Variants in UBE2E2 observed in about 807,000 individuals in gnomAD.
UBE2E2 encodes the protein ubiquitin-conjugating enzyme E2 E2.
UBE2E2 carries 6 observed loss-of-function variants against 24.7 expected under a neutral mutation model. The observed-to-expected ratio is 0.24, with a 90% CI of 0.13 to 0.48. The LOEUF (loss-of-function observed/expected upper bound fraction) is 0.48, where lower values mean the gene tolerates loss of function less well. Ranked by LOEUF, UBE2E2 falls within the 20% of genes least tolerant of loss-of-function variation. The pLI, the probability that UBE2E2 is intolerant of heterozygous loss-of-function variation, is 0.99. For missense variants in UBE2E2, 169 were observed against 245.0 expected, an observed-to-expected ratio of 0.69 and a Z score of 2.07; for synonymous variants, 104 against 83.6, an observed-to-expected ratio of 1.24 and a Z score of -1.33.
intron 3 of UBE2E2, chr3:23,449,765 A>G: frequency 1.6e-6 from 1 of 639,784 alleles, no homozygotes. Context: ...TTTTGAATTA[A>G]CTAAATAATC....
intron 3 of UBE2E2, among the ~76,000 whole-genome samples, chr3:23,230,280 T>C (rs1318559522): frequency 6.6e-6 from 1 of 152,220 alleles, no homozygotes; most frequent in Non-Finnish European, 1.5e-5. Flanking sequence ...AAGTTTATGG[T>C]TCAGCAGTGT....
intron 3 of UBE2E2, chr3:23,270,977 C>G (rs1698225713): frequency 2.2e-6 from 1 of 456,596 alleles, no homozygotes; most frequent in Non-Finnish European, 4.4e-6. Flanking sequence ...CTGCTTGCAT[C>G]TCTTCTAACT....
At chr3:23,258,885 T>C in intron 3 of UBE2E2, among the ~76,000 whole-genome samples, 1 of 110,404 alleles carries the variant, frequency 9.1e-6, no homozygotes, top group Non-Finnish European at 1.7e-5. Context: ...AGAGAGAGAC[T>C]CTGTCTCAAA....
At chr3:23,217,750 C>T (rs1236224496) in intron 3 of UBE2E2, among the ~76,000 whole-genome samples, 3 of 151,922 alleles carry the variant, frequency 2.0e-5, no homozygotes, top group Non-Finnish European at 4.4e-5. Flanking sequence ...TACATTATTT[C>T]TTGTCGTCAT....
intron 3 of UBE2E2, among the ~76,000 whole-genome samples, chr3:23,220,279 C>T (rs901103393): frequency 2.6e-5 from 4 of 152,126 alleles, no homozygotes; most frequent in African/African-American, 9.7e-5. Context: ...TTTGCCTCTA[C>T]ATATTTCAGT....
chr3:23,466,052 C>G (rs538804672), intron 3 of UBE2E2, among the ~76,000 whole-genome samples: 1 of 152,102 alleles, frequency 6.6e-6, no homozygotes, highest in East Asian at 1.9e-4. Context: ...AGATATCATC[C>G]AAAATGTGGC....
intron 5 of UBE2E2, among the ~76,000 whole-genome samples, chr3:23,578,341 A>G (rs1368098878): frequency 6.6e-6 from 1 of 152,232 alleles, no homozygotes; most frequent in African/African-American, 2.4e-5. Flanking sequence ...TGGGAGTATA[A>G]ATTAGTTCAA....
At chr3:23,428,578 TC>T (rs2125398169) in intron 3 of UBE2E2, among the ~76,000 whole-genome samples, 1 of 151,786 alleles carries the variant, frequency 6.6e-6, no homozygotes, top group South Asian at 2.1e-4. Flanking sequence ...AAACAGGAAA[TC>T]ACAGAAAATC....
rs192328787 is a variant in UBE2E2 at position 23,550,349 on chromosome 3, G to A, written c.508+17648G>A. Reference sequence around the variant, plus strand: ...ACCCCATGTGGCCAAAGGGCTCCCCGTGAAATTGCCTTATTTCAAGCCCAA... The same window carrying A: ...ACCCCATGTGGCCAAAGGGCTCCCCATGAAATTGCCTTATTTCAAGCCCAA... On this transcript the variant is annotated intron_variant, in intron 5 of 5. Coordinates refer to ENST00000396703, the MANE Select transcript of UBE2E2 (RefSeq NM_152653.4). Among the ~76,000 whole-genome samples the A allele has an allele frequency of 7.9e-5, 12 of 152,204 alleles. No homozygotes were observed. In the East Asian group the frequency reaches 1.9e-3, roughly 25 times the overall value.
rs551675587 is a variant in UBE2E2 at position 23,311,307 on chromosome 3, G to A, written c.227+93995G>A. Among the ~76,000 whole-genome samples, 540 of 152,220 alleles carry A rather than the reference G, an allele frequency of 3.5e-3. 2 individuals are homozygous for A. Among genetic ancestry groups the A allele is most frequent in the Non-Finnish European group, 6.8e-3 (460 of 68,018 alleles). On this transcript the variant is annotated intron_variant, in intron 3 of 5. Coordinates refer to ENST00000396703, the MANE Select transcript of UBE2E2 (RefSeq NM_152653.4). ...AGTCTTTGCTATTGTGAATAGTGCC[G>A]CAATAAACATACGTGTGCATGTGTC...
At chr3:23,574,467 A>G (rs890367664) in intron 5 of UBE2E2, among the ~76,000 whole-genome samples, 1 of 152,194 alleles carries the variant, frequency 6.6e-6, no homozygotes, top group African/African-American at 2.4e-5. Context: ...TTGCATTCCC[A>G]TGCCTTATCA....
At chr3:23,351,251 A>G (rs1356490114) in intron 3 of UBE2E2, among the ~76,000 whole-genome samples, 2 of 152,250 alleles carry the variant, frequency 1.3e-5, no homozygotes, top group African/African-American at 2.4e-5. Flanking sequence ...AAACATGGAA[A>G]GGAACAACCG....
chr3:23,229,272 A>G (rs1041120322), intron 3 of UBE2E2, among the ~76,000 whole-genome samples: 1 of 152,170 alleles, frequency 6.6e-6, no homozygotes, highest in Non-Finnish European at 1.5e-5. Context: ...TTGAGGTGAC[A>G]GTAGTTTTAT....
chr3:23,422,875 T>G (rs1559379331), intron 3 of UBE2E2, among the ~76,000 whole-genome samples: 1 of 152,082 alleles, frequency 6.6e-6, no homozygotes, highest in Non-Finnish European at 1.5e-5. Flanking sequence ...TCAAGTTCCT[T>G]TTTATCTTGA....
chr3:23,307,021 T>G, intron 3 of UBE2E2, among the ~76,000 whole-genome samples: 1 of 152,290 alleles, frequency 6.6e-6, no homozygotes, highest in Middle Eastern at 3.4e-3. Flanking sequence ...TATTATAGAC[T>G]TTATAATACA....
At chr3:23,517,219 A>G (rs535983738) in intron 4 of UBE2E2, among the ~76,000 whole-genome samples, 5 of 152,246 alleles carry the variant, frequency 3.3e-5, no homozygotes, top group South Asian at 4.1e-4. Context: ...TGGAATTTCT[A>G]TGAGTTTTAT....
intron 4 of UBE2E2, among the ~76,000 whole-genome samples, chr3:23,510,365 G>A (rs1040601480): frequency 1.3e-5 from 2 of 152,196 alleles, no homozygotes; most frequent in Non-Finnish European, 2.9e-5. Flanking sequence ...CCAGCACTTT[G>A]GGAGGCCAAG....
intron 2 of UBE2E2, among the ~76,000 whole-genome samples, chr3:23,211,564 A>C (rs1696325294): frequency 6.6e-6 from 1 of 151,598 alleles, no homozygotes; most frequent in Non-Finnish European, 1.5e-5. Flanking sequence ...TTAAATTTTT[A>C]ATGTATTTTT....
chr3:23,209,109 G>A (rs1696240803), intron 2 of UBE2E2, among the ~76,000 whole-genome samples: 1 of 152,062 alleles, frequency 6.6e-6, no homozygotes, highest in African/African-American at 2.4e-5. Flanking sequence ...GTGTGTTTGT[G>A]TGTTTATGTA....
Sources: allele counts gnomAD v4.1 joint callset (sites outside exome capture counted in the v4.1 genomes callset), GRCh38; gene constraint gnomAD v4.1.1; transcripts MANE v1.5; gene names NCBI Gene and HGNC (gene_info 2026-07-23, HGNC 2026-07-21).